TMCO5A: variants seen among roughly 807,000 people sequenced by gnomAD.
TMCO5A encodes the protein transmembrane and coiled-coil domain-containing protein 5A.
TMCO5A carries 34 observed loss-of-function variants against 42.3 expected under a neutral mutation model. That is an observed-to-expected ratio of 0.80 (90% CI 0.61 to 1.07). The LOEUF (loss-of-function observed/expected upper bound fraction) is 1.07. Ranked by LOEUF, TMCO5A falls within the 50% of genes least tolerant of loss-of-function variation. The pLI is 0.00. For missense variants in TMCO5A, 357 were observed against 327.9 expected, an observed-to-expected ratio of 1.09 and a Z score of -0.69; for synonymous variants, 131 against 115.6, an observed-to-expected ratio of 1.13 and a Z score of -0.86.
chr15:37,952,229 G>C (rs1434341634), downstream of TMCO5A, among the ~76,000 whole-genome samples: 1 of 152,034 alleles, frequency 6.6e-6, no homozygotes, highest in Admixed American at 6.6e-5. Flanking sequence ...GGCAGGGAGT[G>C]GGGGTGGTCA....
At chr15:38,033,002 A>C in the TMCO5A span, among the ~76,000 whole-genome samples, 1 of 143,496 alleles carries the variant, frequency 7.0e-6, no homozygotes, top group African/African-American at 2.6e-5. Flanking sequence ...ATGTTGGCTC[A>C]CTGCAAGCTC....
chr15:37,974,289 G>A, the TMCO5A span, among the ~76,000 whole-genome samples: 3 of 152,122 alleles, frequency 2.0e-5, no homozygotes, highest in Non-Finnish European at 4.4e-5. Context: ...GAGTTAGGGA[G>A]GAGTCCCTTC....
At chr15:38,020,008 T>C in the TMCO5A span, among the ~76,000 whole-genome samples, 1 of 151,754 alleles carries the variant, frequency 6.6e-6, no homozygotes, top group Middle Eastern at 3.4e-3. Flanking sequence ...AAATTTTTTT[T>C]TAGAGACAGG....
the TMCO5A span, among the ~76,000 whole-genome samples, chr15:38,030,572 T>G: frequency 6.6e-6 from 1 of 152,262 alleles, no homozygotes; most frequent in Middle Eastern, 3.4e-3. Context: ...CTTAAAGTCC[T>G]TTAGTAACTT....
Position 37,947,552 on chromosome 15 carries a change from A to T in TMCO5A, c.628-104A>T, listed in dbSNP as rs543006160. On this transcript the variant is annotated intron_variant, in intron 10 of 11. Coordinates refer to ENST00000319669, the MANE Select transcript of TMCO5A (RefSeq NM_152453.4). ...CTTATGCATATAAAAAGAATTTGTT[A>T]AAGTTATCTAAATAACATATAACTA... The T allele has an allele frequency of 1.5e-4, 112 of 771,508 alleles. 1 individual carries two copies. In the African/African-American group the frequency reaches 2.0e-3, roughly 14 times the overall value. The allele number at this position is 771,508 out of a possible 1,614,324, so 47.8% of individuals were successfully genotyped here.
At chr15:38,015,076 C>T in the TMCO5A span, among the ~76,000 whole-genome samples, 1 of 151,612 alleles carries the variant, frequency 6.6e-6, no homozygotes, top group East Asian at 1.9e-4. Context: ...CCTATCTCTC[C>T]TTTTCATGTT....
At chr15:37,966,937 A>C in exon 12 of TMCO5A, 1 of 440,790 alleles carries the variant, frequency 2.3e-6, no homozygotes, top group Non-Finnish European at 4.0e-6. Context: ...TTCTCCCACT[A>C]AAAGGGGCTC....
the TMCO5A span, among the ~76,000 whole-genome samples, chr15:38,012,152 G>T: frequency 6.8e-6 from 1 of 146,484 alleles, no homozygotes; most frequent in African/African-American, 2.5e-5. Context: ...GAAAAGAATG[G>T]CTTCTTCTAT....
chr15:37,968,210 A>G (rs547382166), downstream of TMCO5A, among the ~76,000 whole-genome samples: 9 of 152,232 alleles, frequency 5.9e-5, no homozygotes, highest in East Asian at 1.7e-3. Flanking sequence ...CCTGTGCTCC[A>G]AGGTCAAGCT....
chr15:38,022,719 G>A, the TMCO5A span, among the ~76,000 whole-genome samples: 2 of 152,180 alleles, frequency 1.3e-5, no homozygotes, highest in African/African-American at 4.8e-5. Flanking sequence ...ACTTTGGTGG[G>A]AGATGTTGAT....
chr15:37,983,207 C>A, the TMCO5A span, among the ~76,000 whole-genome samples: 2 of 152,102 alleles, frequency 1.3e-5, no homozygotes, highest in South Asian at 4.1e-4. Flanking sequence ...GATAATGTTC[C>A]ATTTATGGGC....
At chr15:37,999,019 G>A in the TMCO5A span, among the ~76,000 whole-genome samples, 1 of 152,138 alleles carries the variant, frequency 6.6e-6, no homozygotes, top group Non-Finnish European at 1.5e-5. Context: ...CGATTCTCCT[G>A]TCTCAGGCTC....
In TMCO5A at chr15:37,947,627, T is replaced by C. The variant is rs769990514; in HGVS notation, c.628-29T>C. 1.1e-5 allele frequency: 16 copies of C among 1,520,702 alleles called. No homozygotes were observed. In the South Asian group the frequency reaches 1.6e-4, roughly 16 times the overall value. 94.2% of individuals were successfully genotyped at this position (1,520,702 alleles called of 1,614,324 possible). A position where few individuals can be genotyped will look rare whatever the true frequency, so the allele number is the denominator to read the frequency against. On this transcript the variant is annotated intron_variant, in intron 10 of 11. Coordinates refer to ENST00000319669, the MANE Select transcript of TMCO5A (RefSeq NM_152453.4). Reference sequence around the variant, plus strand: ...GATGATAATAGCCTCCAGAAATTGCTTATTTATCAATATCCTTTCTTCTTC... The same window carrying C: ...GATGATAATAGCCTCCAGAAATTGCCTATTTATCAATATCCTTTCTTCTTC...
the TMCO5A span, among the ~76,000 whole-genome samples, chr15:37,984,512 A>G: frequency 6.6e-6 from 1 of 152,138 alleles, no homozygotes; most frequent in South Asian, 2.1e-4. Context: ...ATAGTTGTAG[A>G]TATTTGCTTG....
At chr15:37,974,601 T>A in the TMCO5A span, among the ~76,000 whole-genome samples, 14 of 152,128 alleles carry the variant, frequency 9.2e-5, no homozygotes, top group South Asian at 2.1e-4. Flanking sequence ...GGTGGTAATG[T>A]CCTCTTTATT....
chr15:37,993,544 G>A, the TMCO5A span: 9 of 152,078 alleles, frequency 5.9e-5, no homozygotes, highest in Admixed American at 6.6e-5. Flanking sequence ...GAATGTCTTA[G>A]ATTTTAAATA....
the TMCO5A span, among the ~76,000 whole-genome samples, chr15:37,983,726 T>TTTG: frequency 1.4e-5 from 2 of 146,996 alleles, no homozygotes; most frequent in African/African-American, 5.5e-5. Context: ...ACTGTTTTTT[T>TTTG]TTTTGTTTTT....
chr15:37,979,090 C>A, the TMCO5A span, among the ~76,000 whole-genome samples: 1 of 152,008 alleles, frequency 6.6e-6, no homozygotes, highest in South Asian at 2.1e-4. Context: ...CCAGGCCCCA[C>A]CTCCAATACT....
the TMCO5A span, among the ~76,000 whole-genome samples, chr15:38,028,631 G>T: frequency 1.3e-5 from 2 of 151,600 alleles, no homozygotes; most frequent in African/African-American, 4.8e-5. Context: ...TGTTTCCAGG[G>T]TGAGTTTTGA....
Sources: gnomAD v4.1 joint callset for allele counts (sites outside exome capture counted in the v4.1 genomes callset) on GRCh38, gnomAD v4.1.1 for gene constraint, MANE v1.5 for transcripts, NCBI Gene and HGNC (gene_info 2026-07-23, HGNC 2026-07-21) for gene names.